Variants in FLT1 observed in about 807,000 individuals in gnomAD.
FLT1 encodes vascular endothelial growth factor receptor 1.
In FLT1, 49 loss-of-function variants were observed where a neutral mutation model predicts 156.3. The observed-to-expected ratio is 0.31, with a 90% CI of 0.25 to 0.40. FLT1 has a LOEUF of 0.40. FLT1 is among the 10% of genes least tolerant of loss of function. The pLI is 1.00. For missense variants in FLT1, 1,322 were observed against 1,637.2 expected, an observed-to-expected ratio of 0.81 and a Z score of 3.32; for synonymous variants, 594 against 583.8, an observed-to-expected ratio of 1.02 and a Z score of -0.25.
intron 19 of FLT1, among the ~76,000 whole-genome samples, 167 bp downstream of exon 19, chr13:28,329,448 G>T (rs1871827813): frequency 6.6e-6 from 1 of 152,232 alleles, no homozygotes; most frequent in Admixed American, 6.5e-5. Context: ...GGATTTATGG[G>T]AGCACCCTTC....
At chr13:28,308,763 A>C in intron 28 of FLT1, 80 bp downstream of exon 28, 1 of 873,164 alleles carries the variant, frequency 1.1e-6, no homozygotes, top group Non-Finnish European at 2.0e-6. Flanking sequence ...GAACTACTAC[A>C]TTACTGGCGT....
chr13:28,337,495 C>T (rs1872163323), intron 17 of FLT1, among the ~76,000 whole-genome samples: 1 of 152,194 alleles, frequency 6.6e-6, no homozygotes, highest in African/African-American at 2.4e-5. Context: ...CTTGCTCCCA[C>T]GTTAATCAAT....
At chr13:28,337,735 A>C (rs116254404) in intron 17 of FLT1, among the ~76,000 whole-genome samples, 1,807 of 152,338 alleles carry the variant, frequency 0.012, 40 homozygotes, top group African/African-American at 0.041. Context: ...ATTCTGGTAG[A>C]AGGATTAGCA....
At chr13:28,475,702 A>C (rs767074297) in intron 1 of FLT1, among the ~76,000 whole-genome samples, 1 of 152,072 alleles carries the variant, frequency 6.6e-6, no homozygotes, top group Non-Finnish European at 1.5e-5. Flanking sequence ...GAAACTTAAT[A>C]AAAAAAAGTT....
At chr13:28,347,878 T>C (rs1341390319) in intron 15 of FLT1, among the ~76,000 whole-genome samples, 1 of 152,214 alleles carries the variant, frequency 6.6e-6, no homozygotes, top group Non-Finnish European at 1.5e-5. Flanking sequence ...TTGCCCAAAG[T>C]CACACAGCCT....
At chr13:28,387,808 T>TAAAAA (rs11400597) in intron 13 of FLT1, 7 of 928,038 alleles carry the variant, frequency 7.5e-6, no homozygotes, top group South Asian at 5.1e-5. Context: ...AAAGTTTCTT[T>TAAAAA]AAAAAAAAAA....
At chr13:28,403,213 TGG>T (rs1365226284) in intron 11 of FLT1, among the ~76,000 whole-genome samples, 1 of 152,174 alleles carries the variant, frequency 6.6e-6, no homozygotes, top group Non-Finnish European at 1.5e-5. Flanking sequence ...GGTTTGTATG[TGG>T]TTATACAGAG....
In FLT1 at chr13:28,311,695, G is replaced by A. The variant is rs1871011377; in HGVS notation, c.3530C>T (p.Thr1177Ile). Residue 1177 changes from threonine to isoleucine, a missense_variant, in exon 27 of 30, where the codon ACA (threonine) becomes ATA (isoleucine). Thr to Ile is a moderately conservative substitution (Grantham distance 89). This residue lies in a region of FLT1 where 329 missense variants were observed against 366.2 expected (regional missense o/e 0.90). Transcript: ENST00000282397. ...TGAGTATGTAAACCCACTATTTCCTGTCAGTATGGCATTGATTGGGATGTA... is the reference window on the plus strand; with the variant it reads ...TGAGTATGTAAACCCACTATTTCCTATCAGTATGGCATTGATTGGGATGTA... ...KDYIPINAIL[T>I]GNSGFTYSTP... The A allele has an allele frequency of 6.2e-7, 1 of 1,613,862 alleles. No homozygotes were observed. Among genetic ancestry groups the A allele is most frequent in the Non-Finnish European group, 8.5e-7 (1 of 1,179,818 alleles).
intron 14 of FLT1, among the ~76,000 whole-genome samples, chr13:28,379,361 A>G (rs1335515148): frequency 2.0e-5 from 3 of 152,264 alleles, no homozygotes; most frequent in Non-Finnish European, 4.4e-5. Flanking sequence ...ACAAAAAAGC[A>G]TTAGTGGGAG....
chr13:28,451,849 C>G (rs1008386902), intron 3 of FLT1, among the ~76,000 whole-genome samples: 1 of 152,188 alleles, frequency 6.6e-6, no homozygotes, highest in Non-Finnish European at 1.5e-5. Flanking sequence ...ACACTGACAT[C>G]CCTCCGGGGG....
chr13:28,474,366 G>C (rs1880418808), intron 1 of FLT1, among the ~76,000 whole-genome samples: 1 of 152,088 alleles, frequency 6.6e-6, no homozygotes, highest in South Asian at 2.1e-4. Context: ...TGAGGCATGA[G>C]AATCACTTGA....
rs763344343 is a variant in FLT1, at chr13:28,434,196, C to T, written c.538G>A (p.Asp180Asn). The T allele has an allele frequency of 2.5e-6, 4 of 1,614,016 alleles. No individual in the cohort carries two copies. Among genetic ancestry groups the T allele is most frequent in the Middle Eastern group, 1.6e-4 (1 of 6,062 alleles). ...KKFPLDTLIP[D>N]GKRIIWDSRK... is the part of the protein sequence containing the mutation. ...CTGTCCCAGATTATGCGTTTTCCATCAGGGATCAAAGTGTCAAGTGGAAAC... is the reference window on the plus strand; with the variant it reads ...CTGTCCCAGATTATGCGTTTTCCATTAGGGATCAAAGTGTCAAGTGGAAAC... The change falls in exon 5 of 30, where the codon GAT (aspartate) becomes AAT (asparagine). Residue 180 changes from aspartate (D) to asparagine (N), a missense_variant. Coordinates refer to ENST00000282397, the MANE Select transcript of FLT1 (RefSeq NM_002019.4).
chr13:28,379,363 T>C (rs1873979825), intron 14 of FLT1, among the ~76,000 whole-genome samples: 1 of 151,644 alleles, frequency 6.6e-6, no homozygotes, highest in South Asian at 2.1e-4. Context: ...AAAAAAGCAT[T>C]AGTGGGAGGA....
At chr13:28,406,096 C>G (rs949467232) in intron 10 of FLT1, among the ~76,000 whole-genome samples, 2 of 152,102 alleles carry the variant, frequency 1.3e-5, no homozygotes, top group Non-Finnish European at 2.9e-5. Context: ...TTGAAAAAAG[C>G]CCCACACTAG....
At chr13:28,323,942 G>A (rs1462915279) in intron 20 of FLT1, among the ~76,000 whole-genome samples, 1 of 152,112 alleles carries the variant, frequency 6.6e-6, no homozygotes, top group Admixed American at 6.5e-5. Flanking sequence ...GGTAGCAATG[G>A]CCTTTCACCC....
rs113275743 is a variant in FLT1, at chr13:28,391,618, T to C, written c.1661-1514A>G. ...CAATCGCCACCTTGGGCACATGTTG[T>C]CAGGACCTCCTGAGGCTGTGTCACA... On this transcript the variant is annotated intron_variant, in intron 12 of 29. Transcript: ENST00000282397. Among the ~76,000 whole-genome samples the C allele has an allele frequency of 4.2e-3, 634 of 152,360 alleles. 2 individuals carry two copies. Among genetic ancestry groups the C allele is most frequent in the African/African-American group, 0.014 (591 of 41,578 alleles).
At chr13:28,427,959 G>A (rs753876006) in intron 8 of FLT1, 38 bp from the exon 9 acceptor site, 4 of 1,571,698 alleles carry the variant, frequency 2.5e-6, no homozygotes, top group East Asian at 2.2e-5. Context: ...CATTTCACAC[G>A]GCCTCTCAAT....
At chr13:28,368,647 C>G (rs1220702961) in intron 14 of FLT1, 1 of 1,082,730 alleles carries the variant, frequency 9.2e-7, no homozygotes, top group Non-Finnish European at 1.4e-6. Flanking sequence ...ACGATGGTGA[C>G]GTTGATGTAT....
Position 28,494,844 on chromosome 13 carries a change from G to T in FLT1, c.-1C>A. 6.4e-7 allele frequency: 1 copy of T among 1,556,856 alleles called. No individual in the cohort carries two copies. Among genetic ancestry groups the T allele is most frequent in the Non-Finnish European group, 8.6e-7 (1 of 1,157,460 alleles). ...CCCCGGTGTCCCAGTAGCTGACCAT[G>T]GTGAGCGCGACGCGGCCTGCTCGCC... On this transcript the variant is annotated 5_prime_UTR_variant, in exon 1 of 30. Transcript: ENST00000282397.
Sources: allele counts gnomAD v4.1 joint callset (sites outside exome capture counted in the v4.1 genomes callset), GRCh38; gene constraint gnomAD v4.1.1; regional missense constraint gnomAD v4.1.1; transcripts MANE v1.5; gene names NCBI Gene and HGNC (gene_info 2026-07-23, HGNC 2026-07-21).